Variants in HEY2 observed in about 807,000 individuals in gnomAD.
HEY2 encodes hairy/enhancer-of-split related with YRPW motif protein 2.
Under a neutral mutation model 18.1 loss-of-function variants are expected in HEY2, and 10 were observed. The ratio of observed to expected loss-of-function variants is 0.55; its 90% CI spans 0.34 to 0.94. The LOEUF is 0.94. Among genes scored for constraint, HEY2 ranks in the 40% least tolerant of loss-of-function variants. HEY2 has a pLI of 0.02. For synonymous variants in HEY2, 210 were observed against 182.7 expected (o/e 1.15, Z -1.21); for missense variants, 455 against 455.9 (o/e 1.00, Z 0.02).
rs1446530369 is a variant in HEY2, at chr6:125,760,849, C to A, written c.*1047C>A. ...GGGAGCACTAGGAAGAGAAAAGCTA[C>A]AATTTTTAAAGCTCTTTGTCAAGTT... On this transcript the variant is annotated 3_prime_UTR_variant, in exon 5 of 5. Coordinates refer to ENST00000368364, the MANE Select transcript of HEY2 (RefSeq NM_012259.3). 6.6e-6 allele frequency: 1 copy of A among 152,652 alleles called. No individual in the cohort carries two copies. The highest frequency in any genetic ancestry group is 2.4e-5 in the African/African-American group (1 of 41,456). 9.5% of individuals were successfully genotyped at this position (152,652 alleles called of 1,614,324 possible). A position where few individuals can be genotyped will look rare whatever the true frequency, so the allele number is the denominator to read the frequency against.
Position 125,760,945 on chromosome 6 carries a change from G to T in HEY2, c.*1143G>T, listed in dbSNP as rs1400835419. 1 of 152,588 alleles carries T rather than the reference G, an allele frequency of 6.6e-6. No homozygotes were observed. The highest frequency in any genetic ancestry group is 1.5e-5 in the Non-Finnish European group (1 of 68,020). 9.5% of individuals were successfully genotyped at this position (152,588 alleles called of 1,614,324 possible). ...ATGTACATAAGTTATTTTTGCCCAT[G>T]CCTAAACTAGTGCTATGTAATGGGG... On this transcript the variant is annotated 3_prime_UTR_variant, in exon 5 of 5. Coordinates refer to ENST00000368364, the MANE Select transcript of HEY2 (RefSeq NM_012259.3).
At chr6:125,756,095 G>A (rs753575402) in intron 4 of HEY2, among the ~76,000 whole-genome samples, 2 of 152,142 alleles carry the variant, frequency 1.3e-5, no homozygotes, top group East Asian at 1.9e-4. Context: ...GAGTAATATT[G>A]TTCTTAGGCT....
intron 3 of HEY2, 25 bp from the exon 4 acceptor site, chr6:125,754,436 ATTAT>A (rs373871800): frequency 3.9e-4 from 500 of 1,298,614 alleles, no homozygotes; most frequent in South Asian, 5.7e-4. Flanking sequence ...AGGACATAGG[ATTAT>A]TTATTTATTT....
In HEY2 at chr6:125,751,764, T is replaced by C. The variant is rs189553881; in HGVS notation, c.84-37T>C. 550 of 1,378,416 alleles carry C rather than the reference T, an allele frequency of 4.0e-4. 1 individual carries two copies. The African/African-American group carries it at 7.2e-3, about 18-fold the overall frequency. The allele number at this position is 1,378,416 out of a possible 1,614,324, so 85.4% of individuals were successfully genotyped here. A position where few individuals can be genotyped will look rare whatever the true frequency, so the allele number is the denominator to read the frequency against. ...GTACCCAGAAGAAACTATTGTTATG[T>C]TAATGCAGCACCTGACATACTCTTC... On this transcript the variant is annotated intron_variant, in intron 1 of 4. Coordinates refer to ENST00000368364, the MANE Select transcript of HEY2 (RefSeq NM_012259.3).
chr6:125,758,002 A>T (rs2128529604), intron 4 of HEY2, among the ~76,000 whole-genome samples: 1 of 152,364 alleles, frequency 6.6e-6, no homozygotes, highest in South Asian at 2.1e-4. Flanking sequence ...TTTCTTATTC[A>T]TGTATATACA....
chr6:125,759,061 C>A, intron 4 of HEY2, 56 bp from the exon 5 acceptor site: 1 of 1,378,434 alleles, frequency 7.3e-7, no homozygotes, highest in Non-Finnish European at 9.9e-7. Context: ...ATTTTCTCAC[C>A]CCTACCTCCC....
chr6:125,759,531 C>T lies in HEY2; in HGVS notation c.743C>T (p.Pro248Leu). The stretch of plus-strand genomic sequence containing the variant: ...ATGCCATCCACGGGCAGCGTCGCCC[C>T]CTGCGTGCCACCTCTCTCCACCTCT... ...LRMPSTGSVA[P>L]CVPPLSTSLL... The change falls in exon 5 of 5, where the codon CCC (proline) becomes CTC (leucine). Residue 248 changes from proline (P) to leucine (L), a missense_variant. Transcript: ENST00000368364. 1 of 1,611,182 alleles carries T rather than the reference C, an allele frequency of 6.2e-7. No individual in the cohort carries two copies. Among genetic ancestry groups the T allele is most frequent in the South Asian group, 1.1e-5 (1 of 91,084 alleles).
intron 1 of HEY2, 144 bp downstream of exon 1, chr6:125,750,003 T>C: frequency 2.5e-6 from 2 of 784,880 alleles, no homozygotes; most frequent in South Asian, 3.3e-5. Context: ...GTTTGAGTGG[T>C]GGGCGCTCGC....
Position 125,759,657 on chromosome 6 carries a change from C to T in HEY2, c.869C>T (p.Pro290Leu), listed in dbSNP as rs1443434935. The part of the protein sequence containing the change: ...LSFAGAFPML[P>L]PNAAAAVAAA... Reference sequence around the variant, plus strand: ...TTCGCGGGGGCATTCCCCATGCTTCCCCCAAACGCAGCAGCAGCAGTGGCC... The same window carrying T: ...TTCGCGGGGGCATTCCCCATGCTTCTCCCAAACGCAGCAGCAGCAGTGGCC... Residue 290 changes from proline (P) to leucine (L), a missense_variant, in exon 5 of 5, where the codon CCC (proline) becomes CTC (leucine). By Grantham distance (98) the Pro-to-Leu change is moderately conservative. Coordinates refer to ENST00000368364, the MANE Select transcript of HEY2 (RefSeq NM_012259.3). 1.9e-6 allele frequency: 3 copies of T among 1,611,712 alleles called. No homozygotes were observed. Among genetic ancestry groups the T allele is most frequent in the African/African-American group, 1.3e-5 (1 of 74,926 alleles).
intron 3 of HEY2, among the ~76,000 whole-genome samples, chr6:125,753,664 A>G (rs1449025901): frequency 1.3e-5 from 2 of 152,170 alleles, no homozygotes; most frequent in Admixed American, 6.5e-5. Flanking sequence ...GCACATTTGT[A>G]TTTCAATTGG....
chr6:125,752,301 G>A (rs1773562983), intron 3 of HEY2, among the ~76,000 whole-genome samples: 1 of 151,778 alleles, frequency 6.6e-6, no homozygotes, highest in African/African-American at 2.4e-5. Context: ...CCATCATGAA[G>A]TTGAAAAACA....
chr6:125,749,731 C>A lies in HEY2; in HGVS notation c.-46C>A. ...CGTCAGGGTGCTGCGCCCCGCTCGG[C>A]GTCCGAGCTTCCGGCCGGGCTGTGC... is the stretch of plus-strand genomic sequence containing the variant. On this transcript the variant is annotated 5_prime_UTR_variant, in exon 1 of 5. Coordinates refer to ENST00000368364, the MANE Select transcript of HEY2 (RefSeq NM_012259.3). 1.4e-6 allele frequency: 2 copies of A among 1,468,306 alleles called. No homozygotes were observed. The highest frequency in any genetic ancestry group is 1.9e-6 in the Non-Finnish European group (2 of 1,078,830). The allele number at this position is 1,468,306 out of a possible 1,614,324, so 91.0% of individuals were successfully genotyped here.
chr6:125,759,664 C>CGCA lies in HEY2; in HGVS notation c.887_889dup (p.Ala296dup), dbSNP rs1351198384. 21 of 1,611,886 alleles carry CGCA rather than the reference C, an allele frequency of 1.3e-5. No individual in the cohort carries two copies. The highest frequency in any genetic ancestry group is 1.1e-4 in the East Asian group (5 of 44,890). On this transcript the variant is annotated inframe_insertion, in exon 5 of 5. Transcript: ENST00000368364. ...GGGCATTCCCCATGCTTCCCCCAAA[C>CGCA]GCAGCAGCAGCAGTGGCCGCGGCCA...
Position 125,761,200 on chromosome 6 carries a change from A to C in HEY2, c.*1398A>C, listed in dbSNP as rs1399919877. On this transcript the variant is annotated 3_prime_UTR_variant, in exon 5 of 5. Transcript: ENST00000368364. ...AATTACTGTACCTAGTCTTTTTTGC[A>C]TTACTTTGTAACCTTTTTCTATGCA... 1 of 152,512 alleles carries C rather than the reference A, an allele frequency of 6.6e-6. No homozygotes were observed. The highest frequency in any genetic ancestry group is 2.1e-4 in the South Asian group (1 of 4,832). The allele number at this position is 152,512 out of a possible 1,614,324, so 9.4% of individuals were successfully genotyped here.
chr6:125,753,506 G>A (rs1773592402), intron 3 of HEY2, among the ~76,000 whole-genome samples: 1 of 151,880 alleles, frequency 6.6e-6, no homozygotes, highest in African/African-American at 2.4e-5. Context: ...ACGTGGTGCT[G>A]ATAATTTTTA....
intron 4 of HEY2, 150 bp downstream of exon 4, chr6:125,754,696 T>C: frequency 2.3e-6 from 1 of 444,108 alleles, no homozygotes; most frequent in Non-Finnish European, 4.1e-6. Flanking sequence ...TGGAAATCAA[T>C]GCTAATGGCA....
Position 125,759,529 on chromosome 6 carries a change from C to T in HEY2, c.741C>T (p.Ala247=), listed in dbSNP as rs1773746827. 1 of 1,611,136 alleles carries T rather than the reference C, an allele frequency of 6.2e-7. No homozygotes were observed. The highest frequency in any genetic ancestry group is 8.5e-7 in the Non-Finnish European group (1 of 1,179,952). Residue 247 remains alanine, a synonymous_variant, in exon 5 of 5, where the codon GCC becomes GCT. Transcript: ENST00000368364. ...GAATGCCATCCACGGGCAGCGTCGC[C>T]CCCTGCGTGCCACCTCTCTCCACCT... ...ALRMPSTGSV[A]PCVPPLSTSL...
intron 3 of HEY2, among the ~76,000 whole-genome samples, chr6:125,753,982 C>T (rs1773601838): frequency 6.6e-6 from 1 of 152,124 alleles, no homozygotes; most frequent in South Asian, 2.1e-4. Context: ...TGTGAAAGGA[C>T]TTATTGGAGT....
intron 3 of HEY2, among the ~76,000 whole-genome samples, chr6:125,752,984 A>C: frequency 6.6e-6 from 1 of 152,264 alleles, no homozygotes; most frequent in East Asian, 1.9e-4. Context: ...TTATCCAGAA[A>C]GTGCAGTTTC....
Sources: allele counts gnomAD v4.1 joint callset (sites outside exome capture counted in the v4.1 genomes callset), GRCh38; gene constraint gnomAD v4.1.1; transcripts MANE v1.5; gene names NCBI Gene and HGNC (gene_info 2026-07-23, HGNC 2026-07-21).